The following PLOD2 variants were observed in gnomAD, a reference collection of about 807,000 sequenced individuals.
PLOD2 encodes the protein procollagen-lysine,2-oxoglutarate 5-dioxygenase 2.
PLOD2 carries 65 observed loss-of-function variants against 101.0 expected under a neutral mutation model. The ratio of observed to expected loss-of-function variants is 0.64; its 90% CI spans 0.53 to 0.79. The LOEUF is 0.79. PLOD2 is among the 30% of genes least tolerant of loss of function. PLOD2 has a pLI of 0.00. For missense variants in PLOD2, 909 were observed against 914.6 expected, an observed-to-expected ratio of 0.99 and a Z score of 0.08; for synonymous variants, 314 against 302.9, an observed-to-expected ratio of 1.04 and a Z score of -0.38.
intron 8 of PLOD2, among the ~76,000 whole-genome samples, chr3:146,089,288 C>T (rs938237007): frequency 6.6e-6 from 1 of 151,114 alleles, no homozygotes; most frequent in Non-Finnish European, 1.5e-5. Flanking sequence ...TTCTTAAGTT[C>T]TCTTTAGATA....
At chr3:146,077,644 C>A in intron 14 of PLOD2, 1 of 440,740 alleles carries the variant, frequency 2.3e-6, no homozygotes, top group Non-Finnish European at 4.0e-6. Context: ...CACCTGTCAG[C>A]CATAAAATAT....
intron 1 of PLOD2, among the ~76,000 whole-genome samples, chr3:146,135,956 T>A (rs565130366): frequency 6.6e-6 from 1 of 152,260 alleles, no homozygotes; most frequent in Non-Finnish European, 1.5e-5. Flanking sequence ...ATTTCTTACA[T>A]GTAAGATTGT....
intron 17 of PLOD2, 118 bp from the exon 18 acceptor site, chr3:146,071,541 T>A (rs1328065619): frequency 3.1e-6 from 3 of 963,672 alleles, no homozygotes; most frequent in Non-Finnish European, 3.3e-6. Context: ...GTTGTTCCAA[T>A]GTGGTATATC....
chr3:146,134,036 T>C (rs563269583), intron 1 of PLOD2, among the ~76,000 whole-genome samples: 1 of 152,208 alleles, frequency 6.6e-6, no homozygotes, highest in Admixed American at 6.5e-5. Context: ...CATTACTGAA[T>C]AGTTGAGGGA....
intron 1 of PLOD2, among the ~76,000 whole-genome samples, chr3:146,156,038 T>C (rs2032291022): frequency 6.6e-6 from 1 of 152,194 alleles, no homozygotes; most frequent in African/African-American, 2.4e-5. Flanking sequence ...GCCATCAGTG[T>C]TTTTAATTCA....
intron 1 of PLOD2, among the ~76,000 whole-genome samples, chr3:146,137,576 C>A (rs2031303646): frequency 6.6e-6 from 1 of 152,126 alleles, no homozygotes; most frequent in Non-Finnish European, 1.5e-5. Context: ...TCAGATATTC[C>A]CAGTCTGGAA....
intron 3 of PLOD2, among the ~76,000 whole-genome samples, chr3:146,111,917 C>T (rs970757639): frequency 6.6e-6 from 1 of 151,822 alleles, no homozygotes; most frequent in Non-Finnish European, 1.5e-5. Flanking sequence ...AGAAGTGAGG[C>T]AAATAAACTA....
Position 146,131,218 on chromosome 3 carries a change from C to T in PLOD2, c.110-6989G>A, listed in dbSNP as rs575642161. On this transcript the variant is annotated intron_variant, in intron 1 of 19. Coordinates refer to ENST00000282903, the MANE Select transcript of PLOD2 (RefSeq NM_182943.3). ...GGAAAAGAACTGTTAGAAGCTTATT[C>T]CTGGTTTCCCTGGACCTCACCCATG... is the stretch of plus-strand genomic sequence containing the variant. 5.9e-5 allele frequency among the ~76,000 whole-genome samples: 9 copies of T among 152,306 alleles called. No homozygotes were observed. The South Asian group carries it at 1.9e-3, about 32-fold the overall frequency.
At chr3:146,133,160 A>G (rs924499278) in intron 1 of PLOD2, among the ~76,000 whole-genome samples, 4 of 152,196 alleles carry the variant, frequency 2.6e-5, no homozygotes, top group Admixed American at 2.6e-4. Flanking sequence ...TGGGCGACAG[A>G]GCAAGATTCC....
rs1255724586 is a variant in PLOD2, at chr3:146,124,723, C to T, written c.110-494G>A. Among the ~76,000 whole-genome samples the T allele has an allele frequency of 3.9e-5, 6 of 152,176 alleles. No individual in the cohort carries two copies. The East Asian group carries it at 5.8e-4, about 15-fold the overall frequency. On this transcript the variant is annotated intron_variant, in intron 1 of 19. Transcript: ENST00000282903. ...AATTTTCTAAAATAAATTGTGACAA[C>T]TGGGAGCAAATATTTAAAACAAAAT...
At chr3:146,128,370 C>A (rs1682517242) in intron 1 of PLOD2, among the ~76,000 whole-genome samples, 1 of 152,028 alleles carries the variant, frequency 6.6e-6, no homozygotes, top group African/African-American at 2.4e-5. Context: ...CAAATGTAAC[C>A]TCTATTGCCA....
In PLOD2 at chr3:146,071,399, C is replaced by T. The variant is rs773312441; in HGVS notation, c.1873G>A (p.Glu625Lys). ...TGGATATCATCAGTTGGGACATTTT[C>T]ATAACCACCAGATATACGGCTATCC... ...HHDSRISGGY[E>K]NVPTDDIHMK... Residue 625 changes from glutamate (E) to lysine (K), a missense_variant, in exon 18 of 20, where the codon GAA becomes AAA. Glu to Lys is a moderately conservative substitution (Grantham distance 56). Coordinates refer to ENST00000282903, the MANE Select transcript of PLOD2 (RefSeq NM_182943.3). The T allele has an allele frequency of 8.7e-6, 14 of 1,611,752 alleles. No individual in the cohort carries two copies. The highest frequency in any genetic ancestry group is 1.3e-5 in the African/African-American group (1 of 74,752).
intron 1 of PLOD2, among the ~76,000 whole-genome samples, chr3:146,146,167 T>C (rs2031766139): frequency 6.6e-6 from 1 of 152,326 alleles, no homozygotes; most frequent in African/African-American, 2.4e-5. Context: ...ATGTATTTCA[T>C]GTAATGCTAA....
At chr3:146,140,692 C>T (rs1037766144) in intron 1 of PLOD2, among the ~76,000 whole-genome samples, 19 of 152,086 alleles carry the variant, frequency 1.2e-4, no homozygotes, top group African/African-American at 4.6e-4. Flanking sequence ...ACCATGGTGC[C>T]TTTCAACTTT....
chr3:146,111,412 A>G (rs954603836), intron 3 of PLOD2, among the ~76,000 whole-genome samples: 14 of 152,170 alleles, frequency 9.2e-5, no homozygotes, highest in Admixed American at 6.6e-4. Flanking sequence ...CCTTAGGACA[A>G]GTCACTTAAC....
Position 146,071,259 on chromosome 3 carries a change from G to C in PLOD2, c.1995+18C>G, listed in dbSNP as rs1576567978. On this transcript the variant is annotated intron_variant, in intron 18 of 19. Coordinates refer to ENST00000282903, the MANE Select transcript of PLOD2 (RefSeq NM_182943.3). ...AAAATGGGTAAGAAATAGGCTGGAGGGGTGAGAGGATAACTACCTTCGTAT... is the reference window on the plus strand; with the variant it reads ...AAAATGGGTAAGAAATAGGCTGGAGCGGTGAGAGGATAACTACCTTCGTAT... The C allele has an allele frequency of 6.2e-7, 1 of 1,611,650 alleles. No individual in the cohort carries two copies. Among genetic ancestry groups the C allele is most frequent in the African/African-American group, 1.3e-5 (1 of 74,868 alleles).
chr3:146,106,176 T>A (rs1937531874), intron 5 of PLOD2, among the ~76,000 whole-genome samples: 1 of 152,142 alleles, frequency 6.6e-6, no homozygotes, highest in African/African-American at 2.4e-5. Flanking sequence ...GCCATGACAG[T>A]GGTGTGAGGG....
chr3:146,120,960 A>T, intron 3 of PLOD2, 152 bp downstream of exon 3: 1 of 648,014 alleles, frequency 1.5e-6, no homozygotes, highest in Non-Finnish European at 2.8e-6. Context: ...TGACCTTGTG[A>T]TCCAGCTGCC....
intron 1 of PLOD2, among the ~76,000 whole-genome samples, chr3:146,139,843 T>C (rs1194525580): frequency 1.3e-5 from 2 of 152,122 alleles, no homozygotes; most frequent in African/African-American, 2.4e-5. Context: ...CAAAAAATAC[T>C]GTTGAAGAAT....
Sources: gnomAD v4.1 joint callset for allele counts (sites outside exome capture counted in the v4.1 genomes callset) on GRCh38, gnomAD v4.1.1 for gene constraint, MANE v1.5 for transcripts, NCBI Gene and HGNC (gene_info 2026-07-23, HGNC 2026-07-21) for gene names.